ENTREP2: variants seen among roughly 807,000 people sequenced by gnomAD.
ENTREP2 encodes protein ENTREP2.
the ENTREP2 span, among the ~76,000 whole-genome samples, chr15:29,408,945 A>G: frequency 6.6e-6 from 1 of 152,226 alleles, no homozygotes; most frequent in Non-Finnish European, 1.5e-5. Context: ...ACATTTTTCT[A>G]TATAACCTGT....
chr15:29,664,992 C>G, the ENTREP2 span, among the ~76,000 whole-genome samples: 2 of 152,218 alleles, frequency 1.3e-5, no homozygotes, highest in African/African-American at 4.8e-5. Context: ...CCTTAAGTCT[C>G]TCTTTCCACT....
At chr15:29,503,385 G>A in the ENTREP2 span, among the ~76,000 whole-genome samples, 1 of 152,152 alleles carries the variant, frequency 6.6e-6, no homozygotes, top group African/African-American at 2.4e-5. Context: ...GTCCAGAAGA[G>A]GCAAAATCAT....
the ENTREP2 span, among the ~76,000 whole-genome samples, chr15:29,165,436 GATT>G: frequency 1.3e-5 from 2 of 152,122 alleles, no homozygotes; most frequent in Admixed American, 6.6e-5. Context: ...CCATTAGTAA[GATT>G]AACCAAGAAA....
chr15:29,138,559 G>A, the ENTREP2 span, among the ~76,000 whole-genome samples: 6 of 140,838 alleles, frequency 4.3e-5, no homozygotes, highest in Non-Finnish European at 9.2e-5. Context: ...GTGTGTGCAT[G>A]TGCATGTGTA....
chr15:29,187,099 G>A, the ENTREP2 span, among the ~76,000 whole-genome samples: 7 of 151,874 alleles, frequency 4.6e-5, no homozygotes, highest in East Asian at 3.9e-4. Flanking sequence ...TAACCTACCC[G>A]TATATCACCC....
At chr15:29,348,624 C>T in the ENTREP2 span, among the ~76,000 whole-genome samples, 1 of 152,110 alleles carries the variant, frequency 6.6e-6, no homozygotes, top group Non-Finnish European at 1.5e-5. Context: ...TTGAAAGGTT[C>T]GCAAAAGTAG....
chr15:29,615,562 T>G, the ENTREP2 span, among the ~76,000 whole-genome samples: 1 of 152,078 alleles, frequency 6.6e-6, no homozygotes, highest in Non-Finnish European at 1.5e-5. Context: ...CCATTCCCAA[T>G]TTGTCTTACC....
chr15:29,179,621 C>CAT, the ENTREP2 span, among the ~76,000 whole-genome samples: 8 of 150,210 alleles, frequency 5.3e-5, no homozygotes, highest in African/African-American at 2.0e-4. Context: ...CGCTCTGTTG[C>CAT]CCAGGCTGGA....
At chr15:29,414,694 A>AC in the ENTREP2 span, among the ~76,000 whole-genome samples, 2 of 152,216 alleles carry the variant, frequency 1.3e-5, no homozygotes, top group African/African-American at 4.8e-5. Context: ...CCTTCAAAAA[A>AC]TCAATGAATC....
At chr15:29,644,821 A>G in the ENTREP2 span, among the ~76,000 whole-genome samples, 2 of 150,956 alleles carry the variant, frequency 1.3e-5, no homozygotes, top group Non-Finnish European at 1.5e-5. Flanking sequence ...CATAAAAAAA[A>G]AAAAAAGAAA....
At chr15:29,478,573 G>A in the ENTREP2 span, among the ~76,000 whole-genome samples, 154 of 152,036 alleles carry the variant, frequency 1.0e-3, 1 homozygote, top group South Asian at 3.1e-3. Context: ...GCTTGATGCC[G>A]TCTTTGTCAT....
At chr15:29,229,990 C>T in the ENTREP2 span, among the ~76,000 whole-genome samples, 1 of 152,040 alleles carries the variant, frequency 6.6e-6, no homozygotes, top group African/African-American at 2.4e-5. Context: ...ATACCTTCTT[C>T]TCCCCTCAAA....
At chr15:29,632,353 C>T in the ENTREP2 span, among the ~76,000 whole-genome samples, 1 of 152,210 alleles carries the variant, frequency 6.6e-6, no homozygotes, top group African/African-American at 2.4e-5. Context: ...AGAAAGCCAG[C>T]TGCTTTTTTA....
chr15:29,446,185 T>G, the ENTREP2 span, among the ~76,000 whole-genome samples: 1 of 152,320 alleles, frequency 6.6e-6, no homozygotes, highest in South Asian at 2.1e-4. Flanking sequence ...GATCTTGGAC[T>G]TCTGGCTCCA....
the ENTREP2 span, chr15:29,269,607 C>T: frequency 9.4e-5 from 147 of 1,561,832 alleles, no homozygotes; most frequent in Non-Finnish European, 1.2e-4. Flanking sequence ...GGGCGTCTTC[C>T]CCGGCCCGCG....
chr15:29,336,826 T>G, the ENTREP2 span, among the ~76,000 whole-genome samples: 1 of 152,158 alleles, frequency 6.6e-6, no homozygotes, highest in Non-Finnish European at 1.5e-5. Flanking sequence ...ATCTACCAGA[T>G]GCCAGCACCC....
chr15:29,476,524 T>A, the ENTREP2 span, among the ~76,000 whole-genome samples: 3 of 152,208 alleles, frequency 2.0e-5, no homozygotes, highest in African/African-American at 7.2e-5. Context: ...GACACATCCC[T>A]CTTCGTGGTC....
At chr15:29,368,409 C>T in the ENTREP2 span, among the ~76,000 whole-genome samples, 1 of 151,436 alleles carries the variant, frequency 6.6e-6, no homozygotes, top group African/African-American at 2.4e-5. Context: ...TACACACACA[C>T]ACATATATGA....
the ENTREP2 span, among the ~76,000 whole-genome samples, chr15:29,673,015 A>C: frequency 6.6e-6 from 1 of 152,232 alleles, no homozygotes; most frequent in South Asian, 2.1e-4. Context: ...TTTCCAGGAA[A>C]GGGGAAGGCA....
Sources: gnomAD v4.1 joint callset for allele counts (sites outside exome capture counted in the v4.1 genomes callset) on GRCh38, gnomAD v4.1.1 for gene constraint, MANE v1.5 for transcripts, NCBI Gene and HGNC (gene_info 2026-07-23, HGNC 2026-07-21) for gene names.